Variants in XKR4 observed in about 807,000 individuals in gnomAD.
XKR4 encodes the protein XK related 4, also known as XK-related protein 4.
Under a neutral mutation model 53.9 loss-of-function variants are expected in XKR4, and 12 were observed. The ratio of observed to expected loss-of-function variants is 0.22; its 90% CI spans 0.14 to 0.36. The LOEUF is 0.36. Among genes scored for constraint, XKR4 ranks in the 10% least tolerant of loss-of-function variants. XKR4 has a pLI of 1.00. For synonymous variants in XKR4, 354 were observed against 362.4 expected (o/e 0.98, Z 0.26); for missense variants, 799 against 859.5 (o/e 0.93, Z 0.88).
chr8:55,308,056 C>T (rs1819330850), intron 1 of XKR4, among the ~76,000 whole-genome samples: 1 of 152,038 alleles, frequency 6.6e-6, no homozygotes, highest in Admixed American at 6.6e-5. Context: ...AGTTCAAGGC[C>T]AGCCTGGCCA....
chr8:55,352,707 T>A (rs1803740685), intron 1 of XKR4, among the ~76,000 whole-genome samples: 1 of 152,250 alleles, frequency 6.6e-6, no homozygotes, highest in Non-Finnish European at 1.5e-5. Flanking sequence ...ATTGGTACTG[T>A]GATTTTCCCC....
At chr8:55,345,923 T>C (rs1015003257) in intron 1 of XKR4, among the ~76,000 whole-genome samples, 2 of 152,074 alleles carry the variant, frequency 1.3e-5, no homozygotes, top group African/African-American at 4.8e-5. Context: ...ACTTTTTTTT[T>C]GAGACAAATA....
intron 1 of XKR4, among the ~76,000 whole-genome samples, chr8:55,285,771 CAGTCT>C (rs1818899957): frequency 6.6e-6 from 1 of 152,160 alleles, no homozygotes; most frequent in African/African-American, 2.4e-5. Context: ...CTGGCTCAGT[CAGTCT>C]ATAGCCAAGT....
At chr8:55,216,813 A>C (rs1005365351) in intron 1 of XKR4, among the ~76,000 whole-genome samples, 1 of 151,906 alleles carries the variant, frequency 6.6e-6, no homozygotes, top group Non-Finnish European at 1.5e-5. Flanking sequence ...AAAAAAAAAA[A>C]CTATAAAGAT....
In XKR4 at chr8:55,484,879, C is replaced by T. The variant is rs533723223; in HGVS notation, c.1007-38402C>T. ...CTTGGACTGGAACCTACATCACTGG[C>T]GCTTCTATTTCTCTGGCTTTCAGTC... On this transcript the variant is annotated intron_variant, in intron 2 of 2. Transcript: ENST00000327381. Among the ~76,000 whole-genome samples the T allele has an allele frequency of 3.2e-4, 48 of 152,330 alleles. 1 individual carries two copies. Among genetic ancestry groups the T allele is most frequent in the East Asian group, 1.3e-3 (7 of 5,192 alleles).
At chr8:55,471,462 TG>T (rs995851521) in intron 2 of XKR4, among the ~76,000 whole-genome samples, 2 of 152,064 alleles carry the variant, frequency 1.3e-5, no homozygotes, top group African/African-American at 4.8e-5. Context: ...AACTCGGAGT[TG>T]GGGCCCGGCC....
chr8:55,212,086 C>G (rs996182475), intron 1 of XKR4, among the ~76,000 whole-genome samples: 1 of 149,716 alleles, frequency 6.7e-6, no homozygotes, highest in African/African-American at 2.5e-5. Context: ...ATCTAAAGAC[C>G]TGGAATCAAT....
intron 1 of XKR4, among the ~76,000 whole-genome samples, chr8:55,253,878 G>A (rs1427981189): frequency 2.0e-5 from 3 of 151,736 alleles, no homozygotes; most frequent in Admixed American, 2.0e-4. Context: ...ACGTCACCAT[G>A]CCTCAGGAAT....
chr8:55,153,371 G>A (rs1225188352), intron 1 of XKR4, among the ~76,000 whole-genome samples: 1 of 152,186 alleles, frequency 6.6e-6, no homozygotes, highest in African/African-American at 2.4e-5. Context: ...ATTTCTCAAA[G>A]CATTGGACTC....
chr8:55,449,916 C>A, intron 2 of XKR4: 1 of 867,060 alleles, frequency 1.2e-6, no homozygotes, highest in Non-Finnish European at 1.9e-6. Flanking sequence ...CAGATGCGGT[C>A]GAGCCTCTAT....
chr8:55,105,182 A>G (rs1327431436), intron 1 of XKR4, among the ~76,000 whole-genome samples: 1 of 152,154 alleles, frequency 6.6e-6, no homozygotes, highest in South Asian at 2.1e-4. Context: ...TGTGTTTACT[A>G]TACCTTCTAA....
rs1352685527 is a variant in XKR4, at chr8:55,540,362, C to T, written c.*16135C>T. 3.9e-5 allele frequency: 6 copies of T among 152,134 alleles called. No homozygotes were observed. Among genetic ancestry groups the T allele is most frequent in the African/African-American group, 1.4e-4 (6 of 41,434 alleles). The allele number at this position is 152,134 out of a possible 1,614,324, so 9.4% of individuals were successfully genotyped here. On this transcript the variant is annotated 3_prime_UTR_variant, in exon 3 of 3. Transcript: ENST00000327381. The stretch of plus-strand genomic sequence containing the variant: ...AATTAGTTTACGTGTGTTAGTATTG[C>T]TGACATATTATTATCATCACAAAAT...
chr8:55,452,729 G>A (rs1805473428), intron 2 of XKR4: 1 of 968,774 alleles, frequency 1.0e-6, no homozygotes, highest in Non-Finnish European at 1.7e-6. Context: ...CAGCTACATT[G>A]CAGGTCTCTC....
At chr8:55,485,515 T>A (rs1313256087) in intron 2 of XKR4, among the ~76,000 whole-genome samples, 1 of 152,184 alleles carries the variant, frequency 6.6e-6, no homozygotes, top group Non-Finnish European at 1.5e-5. Flanking sequence ...TTACAGTCAC[T>A]CAGAAACAAA....
chr8:55,162,977 T>C (rs1817006956), intron 1 of XKR4, among the ~76,000 whole-genome samples: 1 of 152,228 alleles, frequency 6.6e-6, no homozygotes, highest in African/African-American at 2.4e-5. Context: ...TACAAATATA[T>C]AATATTGTAA....
At chr8:55,378,252 G>A (rs187968237) in intron 2 of XKR4, among the ~76,000 whole-genome samples, 27 of 152,282 alleles carry the variant, frequency 1.8e-4, no homozygotes, top group African/African-American at 6.5e-4. Context: ...AAAGGATGTG[G>A]AAATGCCAAA....
intron 1 of XKR4, among the ~76,000 whole-genome samples, chr8:55,168,598 C>T (rs1015468151): frequency 1.4e-4 from 22 of 152,160 alleles, no homozygotes; most frequent in African/African-American, 5.3e-4. Flanking sequence ...CTTCCCCTGC[C>T]TCATTTCATC....
At chr8:55,507,993 C>T (rs115216327) in intron 2 of XKR4, among the ~76,000 whole-genome samples, 2,377 of 152,154 alleles carry the variant, frequency 0.016, 53 homozygotes, top group African/African-American at 0.054. Context: ...TATTTCTGCA[C>T]GATTCTCATC....
At chr8:55,266,380 G>T (rs1818601073) in intron 1 of XKR4, among the ~76,000 whole-genome samples, 1 of 151,974 alleles carries the variant, frequency 6.6e-6, no homozygotes, top group South Asian at 2.1e-4. Flanking sequence ...TTAGTGCATT[G>T]CATGGCACCC....
Sources: allele counts gnomAD v4.1 joint callset (sites outside exome capture counted in the v4.1 genomes callset), GRCh38; gene constraint gnomAD v4.1.1; transcripts MANE v1.5; gene names NCBI Gene and HGNC (gene_info 2026-07-23, HGNC 2026-07-21).